CAST: variants seen among roughly 807,000 people sequenced by gnomAD.
The protein encoded by CAST is calpastatin, also known as MIR583 host.
CAST carries 76 observed loss-of-function variants against 119.6 expected under a neutral mutation model. The observed-to-expected ratio is 0.64, with a 90% CI of 0.53 to 0.77. The LOEUF is 0.77. CAST is among the 30% of genes least tolerant of loss of function. CAST has a pLI of 0.00. For synonymous variants in CAST, 319 were observed against 331.6 expected (o/e 0.96, Z 0.41); for missense variants, 953 against 946.5 (o/e 1.01, Z -0.09).
chr5:96,674,950 AAAAAT>A (rs1750525084), intron 1 of CAST, among the ~76,000 whole-genome samples: 1 of 152,256 alleles, frequency 6.6e-6, no homozygotes, highest in African/African-American at 2.4e-5. Context: ...TGTGTTAATT[AAAAAT>A]AAAATAACAC....
intron 1 of CAST, among the ~76,000 whole-genome samples, chr5:96,642,713 T>C (rs1369639366): frequency 1.3e-5 from 2 of 151,988 alleles, no homozygotes; most frequent in Non-Finnish European, 1.5e-5. Flanking sequence ...AGCTAATTTT[T>C]GTATTTTTAA....
At chr5:96,398,275 T>C in the CAST span, among the ~76,000 whole-genome samples, 4 of 152,332 alleles carry the variant, frequency 2.6e-5, no homozygotes, top group Admixed American at 6.5e-5. Context: ...ATTTAGTCAG[T>C]TGAGTCCTGC....
chr5:96,622,610 C>T (rs1033745110), intron 1 of CAST, among the ~76,000 whole-genome samples: 4 of 151,996 alleles, frequency 2.6e-5, no homozygotes, highest in Admixed American at 2.6e-4. Context: ...AAGCACTTCT[C>T]GGGGACTAAT....
the CAST span, among the ~76,000 whole-genome samples, chr5:96,233,943 A>G: frequency 1.3e-5 from 2 of 148,524 alleles, no homozygotes; most frequent in African/African-American, 5.1e-5. Flanking sequence ...GTTCTTACAT[A>G]ATTGCAAAAA....
chr5:96,010,158 G>GT, the CAST span, among the ~76,000 whole-genome samples: 1 of 152,198 alleles, frequency 6.6e-6, no homozygotes, highest in South Asian at 2.1e-4. Flanking sequence ...CTATGTGTCT[G>GT]TTTTTTGTAT....
intron 1 of CAST, among the ~76,000 whole-genome samples, chr5:96,598,447 C>T (rs1487263579): frequency 1.3e-5 from 2 of 152,048 alleles, no homozygotes; most frequent in East Asian, 3.9e-4. Context: ...TCTCAGCTGC[C>T]CTGTCTCTAG....
upstream of CAST, among the ~76,000 whole-genome samples, chr5:96,525,783 T>G (rs2150176123): frequency 6.6e-6 from 1 of 152,348 alleles, no homozygotes; most frequent in Admixed American, 6.5e-5. Flanking sequence ...TTAGCTTTGC[T>G]GCGCTGTGCT....
intron 1 of CAST, among the ~76,000 whole-genome samples, chr5:96,656,579 A>T (rs1052832343): frequency 1.2e-4 from 18 of 152,248 alleles, no homozygotes; most frequent in African/African-American, 4.3e-4. Flanking sequence ...TACGGTTTTT[A>T]GCACCCAGAA....
At chr5:96,462,642 A>T in the CAST span, among the ~76,000 whole-genome samples, 1 of 152,112 alleles carries the variant, frequency 6.6e-6, no homozygotes, top group Non-Finnish European at 1.5e-5. Flanking sequence ...GAGTCTCCCT[A>T]ACATGCCTTT....
chr5:96,055,992 T>C, the CAST span, among the ~76,000 whole-genome samples: 1 of 152,142 alleles, frequency 6.6e-6, no homozygotes, highest in Non-Finnish European at 1.5e-5. Context: ...TAGTATTCTA[T>C]AAGGTTTTCT....
At chr5:96,261,472 G>A in the CAST span, among the ~76,000 whole-genome samples, 1 of 152,216 alleles carries the variant, frequency 6.6e-6, no homozygotes, top group African/African-American at 2.4e-5. Context: ...TATACATGAT[G>A]CAGAAGGGAT....
the CAST span, among the ~76,000 whole-genome samples, chr5:96,113,809 C>T: frequency 1.3e-5 from 2 of 152,194 alleles, no homozygotes; most frequent in Non-Finnish European, 2.9e-5. Context: ...TAAGACTCCT[C>T]CTTAGTCAAT....
chr5:96,154,120 A>AT, the CAST span, among the ~76,000 whole-genome samples: 1 of 151,972 alleles, frequency 6.6e-6, no homozygotes, highest in Non-Finnish European at 1.5e-5. Context: ...TACTAAAAAA[A>AT]CCGAAAAATT....
At chr5:96,769,841 T>C (rs1318444815) in intron 29 of CAST, 2 of 150,024 alleles carry the variant, frequency 1.3e-5, no homozygotes, top group African/African-American at 4.9e-5. Flanking sequence ...TCTTTCTGTG[T>C]CTGGCTTATA....
chr5:96,388,156 G>C, the CAST span, among the ~76,000 whole-genome samples: 1 of 152,252 alleles, frequency 6.6e-6, no homozygotes, highest in Non-Finnish European at 1.5e-5. Flanking sequence ...AACCAGGAAA[G>C]TGGTCTCTGC....
At chr5:96,213,814 A>C in the CAST span, 2 of 152,080 alleles carry the variant, frequency 1.3e-5, no homozygotes, top group South Asian at 4.2e-4. Context: ...AAAATATTAA[A>C]AGGTCAATCC....
chr5:96,486,497 C>T, the CAST span, among the ~76,000 whole-genome samples: 1 of 152,118 alleles, frequency 6.6e-6, no homozygotes, highest in African/African-American at 2.4e-5. Context: ...CCAAACCCTG[C>T]ATGAGCCTAG....
At chr5:96,745,648 C>T (rs1763609142) in intron 16 of CAST, among the ~76,000 whole-genome samples, 1 of 152,190 alleles carries the variant, frequency 6.6e-6, no homozygotes. Flanking sequence ...GGTTAAATTG[C>T]AAGTGTTGTG....
the CAST span, among the ~76,000 whole-genome samples, chr5:96,039,180 G>A: frequency 6.6e-6 from 1 of 152,146 alleles, no homozygotes; most frequent in East Asian, 1.9e-4. Flanking sequence ...CTTTTGCGAA[G>A]TGTCTTTTTA....
Sources: gnomAD v4.1 joint callset for allele counts (sites outside exome capture counted in the v4.1 genomes callset) on GRCh38, gnomAD v4.1.1 for gene constraint, MANE v1.5 for transcripts, NCBI Gene and HGNC (gene_info 2026-07-23, HGNC 2026-07-21) for gene names.